Variants in LRRC31 observed in about 807,000 individuals in gnomAD.
LRRC31 encodes the protein leucine rich repeat containing 31, also known as leucine-rich repeat-containing protein 31.
LRRC31 carries 35 observed loss-of-function variants against 46.7 expected under a neutral mutation model. The ratio of observed to expected loss-of-function variants is 0.75; its 90% CI spans 0.57 to 0.99. LRRC31 has a LOEUF of 0.99. LRRC31 is among the 50% of genes least tolerant of loss of function. The probability of loss-of-function intolerance (pLI) is 0.00; values close to 1 mark genes in which losing one functional copy is unlikely to be tolerated. For synonymous variants in LRRC31, 236 were observed against 235.1 expected (o/e 1.00, Z -0.03); for missense variants, 613 against 626.1 (o/e 0.98, Z 0.22).
chr3:169,861,202 G>T (rs1194853054), intron 2 of LRRC31, among the ~76,000 whole-genome samples: 1 of 150,820 alleles, frequency 6.6e-6, no homozygotes, highest in Non-Finnish European at 1.5e-5. Context: ...CCGAGTGGCT[G>T]GGATTACAGG....
In LRRC31 at chr3:169,869,906, T is replaced by C; in HGVS notation, c.-99A>G. 1 of 1,167,536 alleles carries C rather than the reference T, an allele frequency of 8.6e-7. No homozygotes were observed. Among genetic ancestry groups the C allele is most frequent in the Non-Finnish European group, 1.2e-6 (1 of 855,500 alleles). The allele number at this position is 1,167,536 out of a possible 1,614,324, so 72.3% of individuals were successfully genotyped here. ...AAAAGAAGATTCTGTCAAGCCTGTG[T>C]TCAATCAAAATATCCTCCCCTACAT... On this transcript the variant is annotated 5_prime_UTR_variant, in exon 1 of 9. Coordinates refer to ENST00000316428, the MANE Select transcript of LRRC31 (RefSeq NM_024727.4).
chr3:169,844,161 C>T (rs572566642), intron 8 of LRRC31, among the ~76,000 whole-genome samples: 1 of 152,198 alleles, frequency 6.6e-6, no homozygotes, highest in South Asian at 2.1e-4. Context: ...ATAAGAAAAC[C>T]AGTAGACTAT....
At position 169,841,400 on chromosome 3, in the gene LRRC31, G is replaced by C. The variant is rs532587656; in HGVS notation, c.1328-1087C>G. ...GCATGGCTTTCAGATCAAGGAGGAT[G>C]CTCCAACTCCATCACTTTCACTTGC... On this transcript the variant is annotated intron_variant, in intron 8 of 8. Coordinates refer to ENST00000316428, the MANE Select transcript of LRRC31 (RefSeq NM_024727.4). 7.9e-5 allele frequency among the ~76,000 whole-genome samples: 12 copies of C among 152,314 alleles called. No individual in the cohort carries two copies. The East Asian group carries it at 2.1e-3, about 27-fold the overall frequency.
At chr3:169,853,651 C>CAA (rs1300718899) in intron 6 of LRRC31, 5 of 985,652 alleles carry the variant, frequency 5.1e-6, no homozygotes, top group Non-Finnish European at 6.0e-6. Context: ...ACGCAAAGCT[C>CAA]AAAAAGGGAT....
chr3:169,867,351 G>A (rs539239155), intron 1 of LRRC31, among the ~76,000 whole-genome samples: 8 of 146,488 alleles, frequency 5.5e-5, no homozygotes, highest in Non-Finnish European at 7.5e-5. Flanking sequence ...TCCACCTCCC[G>A]GATTCAAGCG....
intron 1 of LRRC31, among the ~76,000 whole-genome samples, chr3:169,867,826 T>G (rs1781377682): frequency 6.6e-6 from 1 of 152,234 alleles, no homozygotes; most frequent in Non-Finnish European, 1.5e-5. Context: ...AATATTTATT[T>G]TCATAACCCT....
At chr3:169,841,397 G>C (rs1185912571) in intron 8 of LRRC31, among the ~76,000 whole-genome samples, 3 of 152,160 alleles carry the variant, frequency 2.0e-5, no homozygotes, top group Non-Finnish European at 4.4e-5. Flanking sequence ...GATCAAGGAG[G>C]ATGCTCCAAC....
intron 6 of LRRC31, among the ~76,000 whole-genome samples, chr3:169,854,378 C>T (rs967353344): frequency 3.3e-5 from 5 of 152,198 alleles, no homozygotes; most frequent in African/African-American, 9.7e-5. Flanking sequence ...CAGTAACGTA[C>T]AGCCATCACG....
At chr3:169,857,409 C>CATATACAT (rs1553924964) in intron 3 of LRRC31, among the ~76,000 whole-genome samples, 1 of 65,996 alleles carries the variant, frequency 1.5e-5, no homozygotes, top group South Asian at 4.8e-4. Context: ...CACACATATA[C>CATATACAT]ATATACATAT....
chr3:169,869,011 T>C (rs1781413035), intron 1 of LRRC31, among the ~76,000 whole-genome samples: 1 of 152,018 alleles, frequency 6.6e-6, no homozygotes, highest in Admixed American at 6.6e-5. Flanking sequence ...ATCCTTTGTT[T>C]ACAAACAACC....
chr3:169,858,357 G>A lies in LRRC31; in HGVS notation c.488-1485C>T, dbSNP rs75158540. 6.6e-3 allele frequency among the ~76,000 whole-genome samples: 1,012 copies of A among 152,270 alleles called. 31 individuals carry two copies. In the East Asian group the frequency reaches 0.081, roughly 12 times the overall value. On this transcript the variant is annotated intron_variant, in intron 3 of 8. Coordinates refer to ENST00000316428, the MANE Select transcript of LRRC31 (RefSeq NM_024727.4). ...TTTCATTTTCTTGTTTTCTAAGGAT[G>A]GAGGGTCAGGAAAAAGATCAGGTTA...
Position 169,856,426 on chromosome 3 carries a change from T to C in LRRC31, c.733A>G (p.Ser245Gly), listed in dbSNP as rs1780942946. 1 of 1,608,858 alleles carries C rather than the reference T, an allele frequency of 6.2e-7. No individual in the cohort carries two copies. The highest frequency in any genetic ancestry group is 1.3e-5 in the African/African-American group (1 of 74,728). The change falls in exon 5 of 9, where the codon AGT becomes GGT. Residue 245 changes from serine (S) to glycine (G), a missense_variant. By Grantham distance (56) the Ser-to-Gly change is moderately conservative. Transcript: ENST00000316428. Reference sequence around the variant, plus strand: ...GTGCTTTTTAATCCCTGAGCAATACTGTTCAGACTGCCAACAATGTCTCTG... The same window carrying C: ...GTGCTTTTTAATCCCTGAGCAATACCGTTCAGACTGCCAACAATGTCTCTG... Reference protein sequence around the residue: ...INRDIVGSLNSIAQGLKSTSN... With the variant: ...INRDIVGSLNGIAQGLKSTSN...
chr3:169,860,844 T>C, intron 2 of LRRC31, 116 bp from the exon 3 acceptor site: 1 of 1,055,836 alleles, frequency 9.5e-7, no homozygotes, highest in Non-Finnish European at 1.4e-6. Context: ...GAATAGACAG[T>C]GGTAGGCACG....
At position 169,848,127 on chromosome 3, in the gene LRRC31, A is replaced by G. The variant is rs1222067022; in HGVS notation, c.1320T>C (p.Ala440=). Reference sequence around the variant, plus strand: ...GAACAAGTAGATACACACCCAGGAGAGCCACATCCTCTGTCACCAGGGAAC... The same window carrying G: ...GAACAAGTAGATACACACCCAGGAGGGCCACATCCTCTGTCACCAGGGAAC... The part of the protein sequence containing the change: ...SSCSLVTEDV[A]LLASVIQTGH... The change falls in exon 8 of 9, where the codon GCT becomes GCC. Residue 440 remains alanine, a synonymous_variant. Transcript: ENST00000316428. The G allele has an allele frequency of 6.2e-7, 1 of 1,612,630 alleles. No homozygotes were observed. The highest frequency in any genetic ancestry group is 1.1e-5 in the South Asian group (1 of 90,994).
chr3:169,848,307 G>T lies in LRRC31; in HGVS notation c.1160-20C>A, dbSNP rs763056728. 3 of 1,606,486 alleles carry T rather than the reference G, an allele frequency of 1.9e-6. No homozygotes were observed. The highest frequency in any genetic ancestry group is 1.7e-5 in the Admixed American group (1 of 59,738). ...CTTCAGCTAAAAGTGATAACAATAC[G>T]AACAGCAGTAATTTAGGATTTCTTA... On this transcript the variant is annotated intron_variant, in intron 7 of 8. Coordinates refer to ENST00000316428, the MANE Select transcript of LRRC31 (RefSeq NM_024727.4).
intron 1 of LRRC31, among the ~76,000 whole-genome samples, chr3:169,866,443 T>C (rs1367968102): frequency 3.3e-5 from 5 of 152,224 alleles, no homozygotes; most frequent in Non-Finnish European, 5.9e-5. Context: ...TAATCACAAT[T>C]ACATTTATTC....
chr3:169,866,459 C>G (rs1295512261), intron 1 of LRRC31, among the ~76,000 whole-genome samples: 2 of 152,224 alleles, frequency 1.3e-5, no homozygotes, highest in African/African-American at 2.4e-5. Context: ...TATTCATTAT[C>G]TTCTTTCCTG....
chr3:169,856,587 C>T, intron 4 of LRRC31, 84 bp from the exon 5 acceptor site: 1 of 1,316,910 alleles, frequency 7.6e-7, no homozygotes, highest in Non-Finnish European at 1.0e-6. Flanking sequence ...TGACGTAAAA[C>T]TCCACTCCCC....
At chr3:169,844,927 T>C (rs1298432943) in intron 8 of LRRC31, among the ~76,000 whole-genome samples, 1 of 89,326 alleles carries the variant, frequency 1.1e-5, no homozygotes, top group Non-Finnish European at 2.0e-5. Context: ...TGAGACTCCA[T>C]CTCAAAAAAA....
Sources: allele counts gnomAD v4.1 joint callset (sites outside exome capture counted in the v4.1 genomes callset), GRCh38; gene constraint gnomAD v4.1.1; transcripts MANE v1.5; gene names NCBI Gene and HGNC (gene_info 2026-07-23, HGNC 2026-07-21).